The following DNASE1L3 variants were observed in gnomAD, a reference collection of about 807,000 sequenced individuals.
The protein encoded by DNASE1L3 is deoxyribonuclease 1L3, also known as deoxyribonuclease gamma.
Under a neutral mutation model 30.9 loss-of-function variants are expected in DNASE1L3, and 27 were observed. The observed-to-expected ratio is 0.87, with a 90% CI of 0.64 to 1.20. DNASE1L3 has a LOEUF of 1.20. Ranked by LOEUF, DNASE1L3 falls within the 50% of genes most tolerant of loss-of-function variation. DNASE1L3 has a pLI of 0.00. For missense variants in DNASE1L3, 364 were observed against 378.2 expected (o/e 0.96, Z 0.31); for synonymous variants, 135 against 138.0 (o/e 0.98, Z 0.15).
chr3:58,193,079 T>C, intron 7 of DNASE1L3: 1 of 941,314 alleles, frequency 1.1e-6, no homozygotes. Context: ...ACCCATCTTT[T>C]TTTTTTTTTT....
chr3:58,196,431 T>C (rs1251359463), intron 6 of DNASE1L3, among the ~76,000 whole-genome samples: 1 of 150,506 alleles, frequency 6.6e-6, no homozygotes, highest in Non-Finnish European at 1.5e-5. Flanking sequence ...CGGGCGCCTG[T>C]AGTCCCAGCT....
chr3:58,204,794 C>A lies in DNASE1L3; in HGVS notation c.408G>T (p.Val136=). 1 of 1,614,160 alleles carries A rather than the reference C, an allele frequency of 6.2e-7. No individual in the cohort carries two copies. The change falls in exon 4 of 8, where the codon GTG becomes GTT. Residue 136 remains valine, a synonymous_variant. Transcript: ENST00000394549. ...CAGTGTGGGGAGATTGGAACCAGAC[C>A]ACAAAGGGCTCCCTGGAAAACACAT... ...DADVFSREPF[V]VWFQSPHTAV... is the part of the protein sequence containing the mutation.
At chr3:58,209,314 A>T (rs1306027445) in intron 1 of DNASE1L3, among the ~76,000 whole-genome samples, 1 of 152,124 alleles carries the variant, frequency 6.6e-6, no homozygotes, top group Non-Finnish European at 1.5e-5. Flanking sequence ...AGCCCCCATG[A>T]TGGACTCACC....
intron 1 of DNASE1L3, among the ~76,000 whole-genome samples, chr3:58,210,234 GGAAGAAAGAAAAAGA>G (rs2097406819): frequency 7.0e-6 from 1 of 143,126 alleles, no homozygotes; most frequent in African/African-American, 2.6e-5. Flanking sequence ...GAAAGAAAAA[GGAAGAAAGAAAAAGA>G]AAGAAAGAAA....
intron 2 of DNASE1L3, among the ~76,000 whole-genome samples, chr3:58,206,607 C>T (rs755266649): frequency 2.0e-5 from 3 of 152,098 alleles, no homozygotes; most frequent in Non-Finnish European, 4.4e-5. Flanking sequence ...GCTTGGAGTC[C>T]GCGACAGTCT....
intron 4 of DNASE1L3, among the ~76,000 whole-genome samples, chr3:58,201,914 T>A (rs114666268): frequency 0.011 from 1,606 of 152,314 alleles, 14 homozygotes; most frequent in Middle Eastern, 0.024. Context: ...GAATGTTGAT[T>A]TTTCCTTGCA....
chr3:58,198,009 G>A, intron 5 of DNASE1L3, 31 bp from the exon 6 acceptor site: 3 of 1,582,496 alleles, frequency 1.9e-6, no homozygotes, highest in Non-Finnish European at 2.6e-6. Context: ...CTGTCACCTG[G>A]TGGGTGCTGC....
At chr3:58,204,105 C>T (rs1022292517) in intron 4 of DNASE1L3, among the ~76,000 whole-genome samples, 5 of 151,142 alleles carry the variant, frequency 3.3e-5, no homozygotes, top group African/African-American at 1.2e-4. Flanking sequence ...GAGAGTGAGC[C>T]TCTAGGCTAG....
At chr3:58,201,229 G>T in intron 4 of DNASE1L3, 120 bp from the exon 5 acceptor site, 3 of 641,686 alleles carry the variant, frequency 4.7e-6, no homozygotes, top group Non-Finnish European at 7.6e-6. Context: ...TGGGTCCCCA[G>T]TTCCCAGAGG....
intron 1 of DNASE1L3, 57 bp from the exon 2 acceptor site, chr3:58,208,363 C>G (rs1222334212): frequency 2.0e-6 from 3 of 1,534,114 alleles, no homozygotes; most frequent in Non-Finnish European, 2.7e-6. Context: ...TAAATAAAAC[C>G]TTTTATTGGA....
chr3:58,193,077 T>A, intron 7 of DNASE1L3: 1 of 171,574 alleles, frequency 5.8e-6, no homozygotes, highest in Non-Finnish European at 7.9e-6. Flanking sequence ...CAACCCATCT[T>A]TTTTTTTTTT....
intron 5 of DNASE1L3, among the ~76,000 whole-genome samples, chr3:58,198,766 C>A (rs1324144744): frequency 6.6e-6 from 1 of 152,148 alleles, no homozygotes; most frequent in Non-Finnish European, 1.5e-5. Context: ...TGCTTTCAAG[C>A]AGGAAAAGTG....
Position 58,204,827 on chromosome 3 carries a change from T to C in DNASE1L3, c.375A>G (p.Gly125=), listed in dbSNP as rs769506333. Reference sequence around the variant, plus strand: ...GCTCCCTGGAAAACACATCTGCGTCTCCATCCTGATAGTCATGGTAGTGAT... The same window carrying C: ...GCTCCCTGGAAAACACATCTGCGTCCCCATCCTGATAGTCATGGTAGTGAT... The part of the protein sequence containing the change: ...RSYHYHDYQD[G]DADVFSREPF... Residue 125 remains glycine (G), a synonymous_variant, in exon 4 of 8, where the codon GGA becomes GGG. Coordinates refer to ENST00000394549, the MANE Select transcript of DNASE1L3 (RefSeq NM_004944.4). 7 of 1,614,214 alleles carry C rather than the reference T, an allele frequency of 4.3e-6. No homozygotes were observed. Among genetic ancestry groups the C allele is most frequent in the Non-Finnish European group, 5.9e-6 (7 of 1,180,036 alleles).
At chr3:58,202,162 T>G (rs1242419667) in intron 4 of DNASE1L3, among the ~76,000 whole-genome samples, 1 of 151,190 alleles carries the variant, frequency 6.6e-6, no homozygotes, top group Non-Finnish European at 1.5e-5. Context: ...TTTTTTTTTT[T>G]GAGACGGAGT....
chr3:58,193,422 T>A lies in DNASE1L3; in HGVS notation c.722A>T (p.Gln241Leu). The change falls in exon 7 of 8, where the codon CAA (glutamine) becomes CTA (leucine). Residue 241 changes from glutamine (Q) to leucine (L), a missense_variant. Physicochemically the swap from Gln to Leu is moderately radical, Grantham distance 113. Coordinates refer to ENST00000394549, the MANE Select transcript of DNASE1L3 (RefSeq NM_004944.4). ...GGGAACAACAGAACTGACGATTTCT[T>A]GTCCTCTAAGCACAATCCTGGAACA... ...CAYDRIVLRG[Q>L]EIVSSVVPKS... 6.2e-7 allele frequency: 1 copy of A among 1,613,832 alleles called. No homozygotes were observed. Among genetic ancestry groups the A allele is most frequent in the East Asian group, 2.2e-5 (1 of 44,870 alleles).
chr3:58,210,811 C>T lies in DNASE1L3; in HGVS notation c.96G>A (p.Gly32=), dbSNP rs768947461. ...RICSFNVRSF[G]ESKQEDKNAM... ...CATTCTTGTCTTCCTGCTTGCTTTC[C>T]CCAAAGGACCTGACGTTGAAGGAGC... Residue 32 remains glycine (G), a synonymous_variant, in exon 1 of 8, where the codon GGG becomes GGA. Coordinates refer to ENST00000394549, the MANE Select transcript of DNASE1L3 (RefSeq NM_004944.4). 16 of 1,613,994 alleles carry T rather than the reference C, an allele frequency of 9.9e-6. 1 individual carries two copies. In the South Asian group the frequency reaches 1.4e-4, roughly 14 times the overall value.
intron 4 of DNASE1L3, among the ~76,000 whole-genome samples, chr3:58,203,446 T>C (rs2097402047): frequency 6.6e-6 from 1 of 152,162 alleles, no homozygotes; most frequent in South Asian, 2.1e-4. Flanking sequence ...GCCTGGTACA[T>C]AGTAGGTACT....
chr3:58,204,852 T>C lies in DNASE1L3; in HGVS notation c.350A>G (p.Tyr117Cys). The change falls in exon 4 of 8, where the codon TAT becomes TGT. Residue 117 changes from tyrosine to cysteine, a missense_variant. Transcript: ENST00000394549. ...KEKLVSVKRS[Y>C]HYHDYQDGDA... ...TCCATCCTGATAGTCATGGTAGTGA[T>C]AACTCCTCTTCACAGACACCAGCTT... The C allele has an allele frequency of 6.2e-7, 1 of 1,614,150 alleles. No homozygotes were observed. The highest frequency in any genetic ancestry group is 1.7e-5 in the Admixed American group (1 of 60,022).
chr3:58,197,467 T>G lies in DNASE1L3; in HGVS notation c.704+354A>C. Among the ~76,000 whole-genome samples the G allele has an allele frequency of 6.6e-6, 1 of 152,210 alleles. No individual in the cohort carries two copies. The highest frequency in any genetic ancestry group is 1.5e-5 in the Non-Finnish European group (1 of 68,040). On this transcript the variant is annotated intron_variant, in intron 6 of 7. Coordinates refer to ENST00000394549, the MANE Select transcript of DNASE1L3 (RefSeq NM_004944.4). This position sits in a 1 kb window ranked among gnomAD's most constrained non-coding sequence, Gnocchi z 5.3. ...TCTTATTTTTATTTTTATTTTTTATTTTTGAGACAAAGTCTCACTCTGTTA... is the reference window on the plus strand; with the variant it reads ...TCTTATTTTTATTTTTATTTTTTATGTTTGAGACAAAGTCTCACTCTGTTA...
Sources: gnomAD v4.1 joint callset for allele counts (sites outside exome capture counted in the v4.1 genomes callset) on GRCh38, gnomAD v4.1.1 for gene constraint, Gnocchi (gnomAD v3.1) non-coding constraint, MANE v1.5 for transcripts, NCBI Gene and HGNC (gene_info 2026-07-23, HGNC 2026-07-21) for gene names.